Variants in EBF1 observed in about 807,000 individuals in gnomAD.
The protein encoded by EBF1 is EBF transcription factor 1, also known as transcription factor COE1.
In EBF1, 10 loss-of-function variants were observed where a neutral mutation model predicts 68.4. The ratio of observed to expected loss-of-function variants is 0.15; its 90% CI spans 0.09 to 0.25. The LOEUF is 0.25. Among genes scored for constraint, EBF1 ranks in the 10% least tolerant of loss-of-function variants. EBF1 has a pLI of 1.00. For missense variants in EBF1, 509 were observed against 794.4 expected, an observed-to-expected ratio of 0.64 and a Z score of 4.32; for synonymous variants, 298 against 299.8, an observed-to-expected ratio of 0.99 and a Z score of 0.06.
At chr5:158,936,652 C>T (rs1219761627) in intron 6 of EBF1, among the ~76,000 whole-genome samples, 1 of 152,188 alleles carries the variant, frequency 6.6e-6, no homozygotes, top group Non-Finnish European at 1.5e-5. Flanking sequence ...ATTTCATAGT[C>T]ATGCAGTTTT....
intron 10 of EBF1, among the ~76,000 whole-genome samples, chr5:158,755,765 G>C (rs562117195): frequency 5.8e-4 from 89 of 152,182 alleles, no homozygotes; most frequent in African/African-American, 2.0e-3. Flanking sequence ...CATGGAAAAT[G>C]GTTGCCATGA....
intron 8 of EBF1, among the ~76,000 whole-genome samples, chr5:158,801,302 A>G (rs1380005745): frequency 6.6e-6 from 1 of 152,134 alleles, no homozygotes. Context: ...AAGGCACAAA[A>G]TGCTAATTCT....
In EBF1 at chr5:158,696,069, A is replaced by T. The variant is rs1755716291; in HGVS notation, c.*3042T>A. 4.8e-6 allele frequency: 1 copy of T among 210,388 alleles called. No homozygotes were observed. Among genetic ancestry groups the T allele is most frequent in the Admixed American group, 5.9e-5 (1 of 16,982 alleles). 13.0% of individuals were successfully genotyped at this position (210,388 alleles called of 1,614,324 possible). ...AACTGTACAGTGTGTGTCTATTCAA[A>T]AAGTTTTGATAAGAAGGTGAAAGGT... On this transcript the variant is annotated 3_prime_UTR_variant, in exon 16 of 16. Coordinates refer to ENST00000313708, the MANE Select transcript of EBF1 (RefSeq NM_024007.5).
At chr5:159,077,265 T>C (rs1778940610) in intron 5 of EBF1, among the ~76,000 whole-genome samples, 1 of 152,082 alleles carries the variant, frequency 6.6e-6, no homozygotes, top group Non-Finnish European at 1.5e-5. Flanking sequence ...TGAAACCCCA[T>C]CTCTAATAAA....
intron 8 of EBF1, among the ~76,000 whole-genome samples, chr5:158,815,947 C>T (rs2127819055): frequency 6.6e-6 from 1 of 152,330 alleles, no homozygotes; most frequent in African/African-American, 2.4e-5. Flanking sequence ...TATTTTATGA[C>T]ACAGCTGGAT....
intron 6 of EBF1, among the ~76,000 whole-genome samples, chr5:158,999,828 TTATTGTAAGAATAA>T (rs1431016735): frequency 6.6e-6 from 1 of 152,198 alleles, no homozygotes; most frequent in Non-Finnish European, 1.5e-5. Context: ...CATTAAAACT[TTATTGTAAGAATAA>T]TGGTATCCAA....
intron 6 of EBF1, among the ~76,000 whole-genome samples, chr5:158,875,624 A>T (rs1797677396): frequency 6.6e-6 from 1 of 152,230 alleles, no homozygotes. Context: ...GCAATGCCTA[A>T]GTTCTGAGCT....
At chr5:159,054,867 T>C (rs1774461010) in intron 6 of EBF1, among the ~76,000 whole-genome samples, 1 of 152,220 alleles carries the variant, frequency 6.6e-6, no homozygotes, top group Non-Finnish European at 1.5e-5. Context: ...CAGAGACAAA[T>C]GTGTTGGTCC....
chr5:158,812,289 T>C (rs1203340495), intron 8 of EBF1, among the ~76,000 whole-genome samples: 3 of 152,186 alleles, frequency 2.0e-5, no homozygotes, highest in Non-Finnish European at 4.4e-5. Context: ...GCTGAAAAGT[T>C]AAGAATTCTT....
chr5:158,696,745 C>A lies in EBF1; in HGVS notation c.*2366G>T, dbSNP rs1755828648. ...CCCACCCACCCCAACCCATAAAAAT[C>A]GCACTCTTGACAGCCTAGTGAAAAC... On this transcript the variant is annotated 3_prime_UTR_variant, in exon 16 of 16. Coordinates refer to ENST00000313708, the MANE Select transcript of EBF1 (RefSeq NM_024007.5). 1.3e-5 allele frequency: 1 copy of A among 78,088 alleles called. No individual in the cohort carries two copies. The highest frequency in any genetic ancestry group is 2.3e-5 in the Non-Finnish European group (1 of 43,100). 4.8% of individuals were successfully genotyped at this position (78,088 alleles called of 1,614,324 possible). A position where few individuals can be genotyped will look rare whatever the true frequency, so the allele number is the denominator to read the frequency against.
At position 158,999,691 on chromosome 5, in the gene EBF1, C is replaced by T. The variant is rs141229485; in HGVS notation, c.554+73705G>A. Among the ~76,000 whole-genome samples, 33 of 152,212 alleles carry T rather than the reference C, an allele frequency of 2.2e-4. No individual in the cohort carries two copies. The East Asian group carries it at 4.0e-3, about 19-fold the overall frequency. ...CTCAAAATTATGCTATCCACTGATC[C>T]GTAGTGTATTTTTTTCTTTCTTCTT... On this transcript the variant is annotated intron_variant, in intron 6 of 15. Coordinates refer to ENST00000313708, the MANE Select transcript of EBF1 (RefSeq NM_024007.5).
intron 4 of EBF1, among the ~76,000 whole-genome samples, chr5:159,090,004 T>G (rs757628925): frequency 1.1e-4 from 17 of 151,986 alleles, no homozygotes; most frequent in Non-Finnish European, 2.1e-4. Flanking sequence ...TACTCCTTTT[T>G]CCCCTTACAA....
intron 10 of EBF1, among the ~76,000 whole-genome samples, chr5:158,741,482 G>C (rs796210096): frequency 6.6e-6 from 1 of 151,940 alleles, no homozygotes; most frequent in Non-Finnish European, 1.5e-5. Flanking sequence ...GGCTGAAGTG[G>C]GAGAACAGCT....
intron 7 of EBF1, among the ~76,000 whole-genome samples, chr5:158,838,871 A>G (rs1789501588): frequency 7.4e-6 from 1 of 135,222 alleles, no homozygotes; most frequent in Admixed American, 7.4e-5. Context: ...GGAAACTAAC[A>G]TTGACCATAC....
intron 6 of EBF1, among the ~76,000 whole-genome samples, chr5:158,852,313 C>T (rs62385361): frequency 0.047 from 7,114 of 152,066 alleles, 237 homozygotes; most frequent in Non-Finnish European, 0.067. Context: ...TAATATTCAC[C>T]GCATCTGTCT....
intron 5 of EBF1, among the ~76,000 whole-genome samples, chr5:159,075,629 C>T (rs750383968): frequency 2.6e-5 from 4 of 152,140 alleles, no homozygotes; most frequent in Non-Finnish European, 5.9e-5. Flanking sequence ...CAGTGGCTGC[C>T]TACTTTTCTG....
chr5:158,763,255 G>T (rs1321942497), intron 10 of EBF1, among the ~76,000 whole-genome samples: 1 of 152,192 alleles, frequency 6.6e-6, no homozygotes, highest in African/African-American at 2.4e-5. Context: ...CAAGAGTGCA[G>T]CAGGGGACAG....
intron 6 of EBF1, among the ~76,000 whole-genome samples, chr5:158,919,672 A>G (rs1312349122): frequency 6.6e-6 from 1 of 152,192 alleles, no homozygotes; most frequent in Non-Finnish European, 1.5e-5. Context: ...TTAACAGCAT[A>G]TGTGGGGACA....
intron 6 of EBF1, among the ~76,000 whole-genome samples, chr5:159,034,907 A>G (rs748942462): frequency 5.3e-5 from 8 of 151,874 alleles, no homozygotes; most frequent in African/African-American, 7.3e-5. Context: ...CCCTATCCCC[A>G]TTTTTCCCCT....
Sources: allele counts gnomAD v4.1 joint callset (sites outside exome capture counted in the v4.1 genomes callset), GRCh38; gene constraint gnomAD v4.1.1; transcripts MANE v1.5; gene names NCBI Gene and HGNC (gene_info 2026-07-23, HGNC 2026-07-21).